The following ANKRD36 variants were observed in gnomAD, a reference collection of about 807,000 sequenced individuals.
The protein encoded by ANKRD36 is ankyrin repeat domain 36, also known as ankyrin repeat domain-containing protein 36A.
ANKRD36 carries 179 observed loss-of-function variants against 278.1 expected under a neutral mutation model. That is an observed-to-expected ratio of 0.64 (90% CI 0.57 to 0.73). The LOEUF is 0.73. Among genes scored for constraint, ANKRD36 ranks in the 30% least tolerant of loss-of-function variants. The pLI is 0.00. For missense variants in ANKRD36, 1,159 were observed against 1,956.7 expected (o/e 0.59, Z 7.69); for synonymous variants, 320 against 641.1 (o/e 0.50, Z 7.57).
At chr2:97,124,872 G>T (rs1323291617) in intron 5 of ANKRD36, among the ~76,000 whole-genome samples, 1 of 151,850 alleles carries the variant, frequency 6.6e-6, no homozygotes, top group East Asian at 1.9e-4. Flanking sequence ...TTCCAATGTT[G>T]TCCATTTTAT....
intron 48 of ANKRD36, among the ~76,000 whole-genome samples, chr2:97,203,826 T>C (rs1278500784): frequency 1.3e-5 from 2 of 151,830 alleles, no homozygotes; most frequent in Non-Finnish European, 2.9e-5. Flanking sequence ...GGTTTTATTT[T>C]AGTTTTTCAC....
At position 97,154,543 on chromosome 2, in the gene ANKRD36, C is replaced by T. The variant is rs1358675258; in HGVS notation, c.1194-132C>T. On this transcript the variant is annotated intron_variant, in intron 14 of 75. Transcript: ENST00000420699. ...ATACCAAGAAATATTATTTAATATG[C>T]AGATAACTGAGTTTCCTCAGACTTT... is the stretch of plus-strand genomic sequence containing the variant. The T allele has an allele frequency of 1.3e-5, 8 of 628,686 alleles. No individual in the cohort carries two copies. The South Asian group carries it at 1.5e-4, about 12-fold the overall frequency. 38.9% of individuals were successfully genotyped at this position (628,686 alleles called of 1,614,324 possible).
intron 40 of ANKRD36, among the ~76,000 whole-genome samples, chr2:97,196,225 C>T (rs1251165953): frequency 2.0e-5 from 3 of 151,974 alleles, no homozygotes; most frequent in African/African-American, 7.2e-5. Context: ...GCGTGAAAGA[C>T]ATGTGAGATC....
chr2:97,149,254 A>T, intron 11 of ANKRD36, 41 bp from the exon 12 acceptor site: 1 of 1,507,138 alleles, frequency 6.6e-7, no homozygotes, highest in Non-Finnish European at 8.9e-7. Context: ...TCTTTTAAGA[A>T]ATGAATGAGC....
At chr2:97,176,402 C>T (rs1160663960) in intron 22 of ANKRD36, among the ~76,000 whole-genome samples, 1 of 146,826 alleles carries the variant, frequency 6.8e-6, no homozygotes, top group Non-Finnish European at 1.5e-5. Flanking sequence ...CTCTTTTGAT[C>T]TTTGTTGGTT....
At chr2:97,141,970 A>G (rs1181686356) in intron 6 of ANKRD36, among the ~76,000 whole-genome samples, 1 of 152,280 alleles carries the variant, frequency 6.6e-6, no homozygotes, top group Non-Finnish European at 1.5e-5. Context: ...TATATATTAT[A>G]CCTTATTGCC....
At position 97,196,562 on chromosome 2, in the gene ANKRD36, T is replaced by A. The variant is rs749018079; in HGVS notation, c.2552-31T>A. 1.9e-6 allele frequency: 3 copies of A among 1,603,916 alleles called. No homozygotes were observed. The Admixed American group carries it at 5.0e-5, about 27-fold the overall frequency. ...TGGATATCTTTGTCATATTTATGTATGACTGATTATGAATCCCTTTTGCTT... is the reference window on the plus strand; with the variant it reads ...TGGATATCTTTGTCATATTTATGTAAGACTGATTATGAATCCCTTTTGCTT... On this transcript the variant is annotated intron_variant, in intron 40 of 75. Transcript: ENST00000420699.
rs1056599563 is a variant in ANKRD36, at chr2:97,176,842, A to G, written c.1634-2896A>G. 2.0e-5 allele frequency among the ~76,000 whole-genome samples: 3 copies of G among 151,610 alleles called. No individual in the cohort carries two copies. The Admixed American group carries it at 2.0e-4, about 10-fold the overall frequency. ...CCTGGTGGTGACAAAATCTCTCAGC[A>G]TTTGCTTGTCTGTAAAGTATTTTAT... On this transcript the variant is annotated intron_variant, in intron 22 of 75. Coordinates refer to ENST00000420699, the MANE Select transcript of ANKRD36 (RefSeq NM_001354587.1).
chr2:97,187,594 C>T (rs1043764868), intron 32 of ANKRD36, among the ~76,000 whole-genome samples, 193 bp downstream of exon 32: 5 of 151,662 alleles, frequency 3.3e-5, no homozygotes, highest in Non-Finnish European at 4.4e-5. Flanking sequence ...ACATGATCTT[C>T]GCAGTAAGAT....
intron 20 of ANKRD36, among the ~76,000 whole-genome samples, chr2:97,166,314 G>C (rs551223580): frequency 6.7e-6 from 1 of 149,634 alleles, no homozygotes; most frequent in South Asian, 2.1e-4. Context: ...CTATGAAACT[G>C]TGTCTATGGG....
intron 22 of ANKRD36, among the ~76,000 whole-genome samples, chr2:97,170,402 A>G (rs965075231): frequency 1.3e-5 from 2 of 152,020 alleles, no homozygotes; most frequent in African/African-American, 4.8e-5. Flanking sequence ...ATAACGCTGC[A>G]TATCTACAAC....
chr2:97,118,230 A>G (rs750281601), intron 2 of ANKRD36, 52 bp downstream of exon 2: 13 of 1,577,812 alleles, frequency 8.2e-6, no homozygotes, highest in African/African-American at 1.3e-5. Flanking sequence ...TGAAGTACAT[A>G]GGATAAAATG....
At chr2:97,182,603 A>G (rs1362655415) in intron 26 of ANKRD36, among the ~76,000 whole-genome samples, 1 of 150,802 alleles carries the variant, frequency 6.6e-6, no homozygotes, top group Non-Finnish European at 1.5e-5. Context: ...ATACCAGACT[A>G]TTTTAGAAAA....
intron 1 of ANKRD36, among the ~76,000 whole-genome samples, chr2:97,117,772 GCTACTATT>G (rs1361691429): frequency 6.6e-6 from 1 of 151,938 alleles, no homozygotes; most frequent in African/African-American, 2.4e-5. Flanking sequence ...CTGTGGGCTA[GCTACTATT>G]CTCTTATATA....
chr2:97,213,977 A>C (rs1309728277), intron 60 of ANKRD36, among the ~76,000 whole-genome samples: 3 of 151,760 alleles, frequency 2.0e-5, no homozygotes, highest in South Asian at 4.2e-4. Context: ...TCATACTGCT[A>C]TAAAAAAGAC....
chr2:97,121,256 A>G (rs2036735491), intron 3 of ANKRD36, among the ~76,000 whole-genome samples: 1 of 152,048 alleles, frequency 6.6e-6, no homozygotes, highest in Non-Finnish European at 1.5e-5. Flanking sequence ...GAATGCATGT[A>G]AGCTTTTTAA....
At chr2:97,183,122 A>T (rs2056641299) in intron 26 of ANKRD36, among the ~76,000 whole-genome samples, 1 of 151,780 alleles carries the variant, frequency 6.6e-6, no homozygotes. Flanking sequence ...TTTGACATTG[A>T]TTCCTGGGTG....
At chr2:97,164,578 A>C in intron 20 of ANKRD36, 109 bp downstream of exon 20, 1 of 1,193,812 alleles carries the variant, frequency 8.4e-7, no homozygotes, top group South Asian at 1.4e-5. Context: ...GAAGGATTTG[A>C]TGTAAATATG....
rs183616104 is a variant in ANKRD36 at position 97,194,956 on chromosome 2, A to C, written c.2551+39A>C. The stretch of plus-strand genomic sequence containing the variant: ...ACACATTTAATGTCATGTTCAGTCC[A>C]GACAAGAAGTTCTCTTCCCCGAATA... On this transcript the variant is annotated intron_variant, in intron 40 of 75. Transcript: ENST00000420699. 2.7e-4 allele frequency: 416 copies of C among 1,538,520 alleles called. 6 individuals are homozygous for C. The East Asian group carries it at 6.4e-3, about 24-fold the overall frequency.
Sources: gnomAD v4.1 joint callset for allele counts (sites outside exome capture counted in the v4.1 genomes callset) on GRCh38, gnomAD v4.1.1 for gene constraint, MANE v1.5 for transcripts, NCBI Gene and HGNC (gene_info 2026-07-23, HGNC 2026-07-21) for gene names.